Variants in ZNF254 observed in about 807,000 individuals in gnomAD.
ZNF254 encodes zinc finger protein 254.
A neutral mutation model predicts 12.4 loss-of-function variants in ZNF254; 10 were observed. The observed-to-expected ratio is 0.80, with a 90% CI of 0.50 to 1.36. The LOEUF is 1.36. ZNF254 is among the 40% of genes most tolerant of loss of function. ZNF254 has a pLI of 0.00. For synonymous variants in ZNF254, 305 were observed against 253.4 expected (o/e 1.20, Z -1.93); for missense variants, 996 against 763.9 (o/e 1.30, Z -3.58).
chr19:24,052,649 G>A (rs1762954821), intron 2 of ZNF254, among the ~76,000 whole-genome samples: 1 of 152,150 alleles, frequency 6.6e-6, no homozygotes, highest in South Asian at 2.1e-4. Context: ...CTTTCAAGAG[G>A]AGATTGTAAC....
At chr19:24,074,569 A>G (rs755786910) in intron 2 of ZNF254, among the ~76,000 whole-genome samples, 1 of 152,148 alleles carries the variant, frequency 6.6e-6, no homozygotes, top group Non-Finnish European at 1.5e-5. Context: ...TCCCTGGGAT[A>G]AGCACACAGG....
At chr19:24,041,725 G>GCTT (rs1970172134) in intron 1 of ZNF254, among the ~76,000 whole-genome samples, 1 of 152,270 alleles carries the variant, frequency 6.6e-6, no homozygotes, top group South Asian at 2.1e-4. Flanking sequence ...CTGGCAGGCA[G>GCTT]CTTCACCTGC....
rs150266566 is a variant in ZNF254, at chr19:24,038,268, C to G, written c.-190+4647C>G. Among the ~76,000 whole-genome samples, 263 of 152,278 alleles carry G rather than the reference C, an allele frequency of 1.7e-3. 1 individual carries two copies. The highest frequency in any genetic ancestry group is 6.0e-3 in the African/African-American group (249 of 41,562). On this transcript the variant is annotated intron_variant, in intron 1 of 4. Transcript: ENST00000613065. ...ACAGTCCTGGTTCCAAGTTTCAAAACTACCTCTCATGAAGACATTAGTTTA... is the reference window on the plus strand; with the variant it reads ...ACAGTCCTGGTTCCAAGTTTCAAAAGTACCTCTCATGAAGACATTAGTTTA...
chr19:24,070,605 A>G (rs1971446281), intron 2 of ZNF254, among the ~76,000 whole-genome samples: 1 of 152,028 alleles, frequency 6.6e-6, no homozygotes. Flanking sequence ...CTTAGACCCA[A>G]CCTCCAAATG....
upstream of ZNF254, among the ~76,000 whole-genome samples, chr19:24,086,366 C>T (rs912848508): frequency 6.6e-6 from 1 of 151,966 alleles, no homozygotes; most frequent in African/African-American, 2.4e-5. Context: ...GGTGCAGTGG[C>T]AGGATCTTGA....
intron 1 of ZNF254, among the ~76,000 whole-genome samples, chr19:24,040,589 A>G (rs1016020846): frequency 6.6e-6 from 1 of 152,184 alleles, no homozygotes; most frequent in Admixed American, 6.5e-5. Flanking sequence ...TCTAAATCCT[A>G]CTGGGAATTA....
intron 1 of ZNF254, among the ~76,000 whole-genome samples, chr19:24,095,065 TCAATG>T (rs1238823900): frequency 6.6e-6 from 1 of 152,224 alleles, no homozygotes; most frequent in African/African-American, 2.4e-5. Flanking sequence ...GTATGTACCT[TCAATG>T]GCTAGGTTGT....
chr19:24,058,150 C>T (rs917806791), intron 2 of ZNF254, among the ~76,000 whole-genome samples: 3 of 152,146 alleles, frequency 2.0e-5, no homozygotes, highest in African/African-American at 4.8e-5. Context: ...CACACAGAAG[C>T]GGGTTATGTA....
intron 1 of ZNF254, 95 bp from the exon 2 acceptor site, chr19:24,105,845 A>T: frequency 6.6e-7 from 1 of 1,514,274 alleles, no homozygotes; most frequent in African/African-American, 1.4e-5. Context: ...TATAAGTCAG[A>T]ACCAGTTCTA....
intron 3 of ZNF254, among the ~76,000 whole-genome samples, chr19:24,120,437 T>C (rs1974398153): frequency 6.6e-6 from 1 of 152,140 alleles, no homozygotes; most frequent in Admixed American, 6.5e-5. Context: ...TTTATTAATA[T>C]AAAAATTATT....
intron 2 of ZNF254, among the ~76,000 whole-genome samples, chr19:24,060,520 A>G (rs1291719061): frequency 6.6e-6 from 1 of 152,098 alleles, no homozygotes; most frequent in African/African-American, 2.4e-5. Flanking sequence ...ATTTGATGTG[A>G]CTCTACTTTC....
intron 3 of ZNF254, among the ~76,000 whole-genome samples, chr19:24,110,994 C>T (rs563013298): frequency 4.3e-4 from 66 of 151,984 alleles, no homozygotes; most frequent in Non-Finnish European, 8.8e-4. Flanking sequence ...GGTACATGTG[C>T]ACAATGTGCA....
Position 24,127,984 on chromosome 19 carries a change from A to G in ZNF254, c.*4A>G. 4.5e-6 allele frequency: 7 copies of G among 1,539,508 alleles called. No homozygotes were observed. Among genetic ancestry groups the G allele is most frequent in the Non-Finnish European group, 6.1e-6 (7 of 1,149,670 alleles). Reference sequence around the variant, plus strand: ...GAGAGAAATCTTACAAGTATGAATAATGTGCCAAAGCCTAAGAAAACCCTC... The same window carrying G: ...GAGAGAAATCTTACAAGTATGAATAGTGTGCCAAAGCCTAAGAAAACCCTC... On this transcript the variant is annotated 3_prime_UTR_variant, in exon 4 of 4. Coordinates refer to ENST00000357002, the MANE Select transcript of ZNF254 (RefSeq NM_203282.4).
At chr19:24,112,694 T>G (rs1428015185) in intron 3 of ZNF254, among the ~76,000 whole-genome samples, 1 of 152,154 alleles carries the variant, frequency 6.6e-6, no homozygotes, top group Non-Finnish European at 1.5e-5. Context: ...TCCTAGGTAT[T>G]TTATTCTCTT....
chr19:24,037,998 C>T (rs1371861002), intron 1 of ZNF254, among the ~76,000 whole-genome samples: 4 of 152,164 alleles, frequency 2.6e-5, no homozygotes, highest in Admixed American at 6.5e-5. Flanking sequence ...GCACCCGCCT[C>T]GGACTCCAAA....
chr19:24,087,027 T>C (rs1599673297), upstream of ZNF254: 2 of 407,358 alleles, frequency 4.9e-6, no homozygotes, highest in South Asian at 4.5e-5. Context: ...CAGCTTAGGC[T>C]GTCACTCTTT....
chr19:24,042,415 G>A (rs576166600), intron 1 of ZNF254, among the ~76,000 whole-genome samples: 1 of 152,162 alleles, frequency 6.6e-6, no homozygotes, highest in African/African-American at 2.4e-5. Flanking sequence ...TCCACACTGT[G>A]GAAACTTTGT....
chr19:24,129,888 A>G lies in ZNF254; in HGVS notation c.*1908A>G, dbSNP rs147237799. 314 of 152,202 alleles carry G rather than the reference A, an allele frequency of 2.1e-3. 2 individuals are homozygous for G. Among genetic ancestry groups the G allele is most frequent in the African/African-American group, 7.2e-3 (300 of 41,550 alleles). The allele number at this position is 152,202 out of a possible 1,614,324, so 9.4% of individuals were successfully genotyped here. A position where few individuals can be genotyped will look rare whatever the true frequency, so the allele number is the denominator to read the frequency against. ...TTTGAATATGTGACCTTTGCCTGCA[A>G]GCACATATGGACTCTTAGAATTGAT... On this transcript the variant is annotated 3_prime_UTR_variant, in exon 4 of 4. Coordinates refer to ENST00000357002, the MANE Select transcript of ZNF254 (RefSeq NM_203282.4).
At chr19:24,075,132 CTCT>C (rs1170289800) in intron 2 of ZNF254, among the ~76,000 whole-genome samples, 1 of 152,172 alleles carries the variant, frequency 6.6e-6, no homozygotes, top group African/African-American at 2.4e-5. Context: ...TGTTGTGACT[CTCT>C]TCTTATGACT....
Sources: gnomAD v4.1 joint callset for allele counts (sites outside exome capture counted in the v4.1 genomes callset) on GRCh38, gnomAD v4.1.1 for gene constraint, MANE v1.5 for transcripts, NCBI Gene and HGNC (gene_info 2026-07-23, HGNC 2026-07-21) for gene names.